KCNIP1: variants seen among roughly 807,000 people sequenced by gnomAD.
KCNIP1 encodes the protein potassium voltage-gated channel interacting protein 1.
A neutral mutation model predicts 33.0 loss-of-function variants in KCNIP1; 18 were observed. The observed-to-expected ratio is 0.55, with a 90% CI of 0.38 to 0.81. The LOEUF (loss-of-function observed/expected upper bound fraction) is 0.81, where lower values mean the gene tolerates loss of function less well. KCNIP1 is among the 30% of genes least tolerant of loss of function. The pLI is 0.00. For synonymous variants in KCNIP1, 93 were observed against 98.3 expected (o/e 0.95, Z 0.32); for missense variants, 238 against 271.6 (o/e 0.88, Z 0.87).
Position 170,504,237 on chromosome 5 carries a change from C to A in KCNIP1, c.-336C>A, listed in dbSNP as rs1411038793. Reference sequence around the variant, plus strand: ...CGCTGGCTCGGCAGCCTCGGCCGGGCGGCCGCTCTGGCCCCGTGTCCAGTG... The same window carrying A: ...CGCTGGCTCGGCAGCCTCGGCCGGGAGGCCGCTCTGGCCCCGTGTCCAGTG... On this transcript the variant is annotated 5_prime_UTR_variant, in exon 1 of 8. Transcript: ENST00000328939. This position sits in a 1 kb window ranked among gnomAD's most constrained non-coding sequence, Gnocchi z 6.0. 2.8e-6 allele frequency: 3 copies of A among 1,084,076 alleles called. No homozygotes were observed. The highest frequency in any genetic ancestry group is 5.3e-5 in the Admixed American group (1 of 18,922). 67.2% of individuals were successfully genotyped at this position (1,084,076 alleles called of 1,614,324 possible).
chr5:170,439,412 G>C (rs1318342392), intron 1 of KCNIP1, among the ~76,000 whole-genome samples: 1 of 152,238 alleles, frequency 6.6e-6, no homozygotes, highest in African/African-American at 2.4e-5. Flanking sequence ...CTTCCAGGCA[G>C]GTCCCCTCGA....
At chr5:170,441,416 G>A (rs1755986731) in intron 1 of KCNIP1, among the ~76,000 whole-genome samples, 1 of 152,160 alleles carries the variant, frequency 6.6e-6, no homozygotes, top group Admixed American at 6.5e-5. Context: ...TGCTGGGGAG[G>A]GGTGGGGGGC....
chr5:170,475,084 A>G (rs952084351), intron 1 of KCNIP1, among the ~76,000 whole-genome samples: 3 of 152,168 alleles, frequency 2.0e-5, no homozygotes, highest in Non-Finnish European at 2.9e-5. Context: ...AGCTAGCTAC[A>G]GAGTGCTGAT....
At chr5:170,460,437 T>G (rs1408882309) in intron 1 of KCNIP1, among the ~76,000 whole-genome samples, 1 of 152,082 alleles carries the variant, frequency 6.6e-6, no homozygotes, top group Non-Finnish European at 1.5e-5. Flanking sequence ...CAAAAAATCC[T>G]TAACAAAATG....
At chr5:170,593,908 C>T (rs1453724625) in intron 1 of KCNIP1, among the ~76,000 whole-genome samples, 4 of 152,312 alleles carry the variant, frequency 2.6e-5, no homozygotes, top group East Asian at 3.9e-4. Flanking sequence ...GTGGGAAGAA[C>T]GTAGGCTCTA....
In KCNIP1 at chr5:170,380,725, C is replaced by G. The variant is rs569486090; in HGVS notation, c.88+26761C>G. On this transcript the variant is annotated intron_variant, in intron 1 of 7. Transcript: ENST00000377360. Reference sequence around the variant, plus strand: ...CATCCTGAGCTGACGGTGAGGGGGCCTGGCCTGAGTCTCTCCAATGCCTCT... The same window carrying G: ...CATCCTGAGCTGACGGTGAGGGGGCGTGGCCTGAGTCTCTCCAATGCCTCT... Among the ~76,000 whole-genome samples the G allele has an allele frequency of 2.6e-5, 4 of 152,332 alleles. No homozygotes were observed. In the East Asian group the frequency reaches 7.7e-4, roughly 29 times the overall value.
intron 1 of KCNIP1, among the ~76,000 whole-genome samples, chr5:170,432,169 T>C (rs1755758652): frequency 6.6e-6 from 1 of 152,014 alleles, no homozygotes; most frequent in Non-Finnish European, 1.5e-5. Context: ...TCGGTAGAGC[T>C]AAAAACAGGG....
chr5:170,496,175 A>G (rs73313416), intron 1 of KCNIP1, among the ~76,000 whole-genome samples: 8,528 of 152,232 alleles, frequency 0.056, 555 homozygotes, highest in African/African-American at 0.16. Context: ...GCAGGCTGAT[A>G]ATCACAGCTG....
intron 1 of KCNIP1, among the ~76,000 whole-genome samples, chr5:170,372,363 C>A (rs1196668387): frequency 1.3e-5 from 2 of 152,102 alleles, no homozygotes; most frequent in Non-Finnish European, 2.9e-5. Flanking sequence ...GCCCCCCAAA[C>A]CCTATTATTT....
chr5:170,700,115 G>A (rs1014070456), intron 1 of KCNIP1, among the ~76,000 whole-genome samples: 1 of 151,946 alleles, frequency 6.6e-6, no homozygotes, highest in African/African-American at 2.4e-5. Flanking sequence ...CCTGCCTCCT[G>A]TCATCTCTAG....
At chr5:170,617,511 C>A (rs1027576032) in intron 1 of KCNIP1, among the ~76,000 whole-genome samples, 6 of 152,122 alleles carry the variant, frequency 3.9e-5, no homozygotes, top group African/African-American at 1.4e-4. Flanking sequence ...AGCCACCAGC[C>A]TTACAAATTA....
At chr5:170,601,097 TA>T (rs1758672957) in intron 1 of KCNIP1, among the ~76,000 whole-genome samples, 1 of 152,228 alleles carries the variant, frequency 6.6e-6, no homozygotes, top group South Asian at 2.1e-4. Context: ...TTCTAAAGAT[TA>T]CAAACACAAC....
Position 170,718,691 on chromosome 5 carries a change from C to A in KCNIP1, c.62-67C>A. On this transcript the variant is annotated intron_variant, in intron 1 of 7. Transcript: ENST00000328939. Reference sequence around the variant, plus strand: ...TCGTGACACCACTCTTTTGACAGCCCAGATTGTTACCTAACAAGAATGACT... The same window carrying A: ...TCGTGACACCACTCTTTTGACAGCCAAGATTGTTACCTAACAAGAATGACT... 3.1e-6 allele frequency: 5 copies of A among 1,596,042 alleles called. No individual in the cohort carries two copies. In the Admixed American group the frequency reaches 5.1e-5, roughly 16 times the overall value.
At chr5:170,537,472 G>A (rs1756036057) in intron 1 of KCNIP1, among the ~76,000 whole-genome samples, 1 of 152,222 alleles carries the variant, frequency 6.6e-6, no homozygotes, top group African/African-American at 2.4e-5. Flanking sequence ...ACAGGCAGGA[G>A]TAAATGCCTC....
intron 1 of KCNIP1, among the ~76,000 whole-genome samples, chr5:170,492,262 G>A (rs1757222711): frequency 6.6e-6 from 1 of 152,164 alleles, no homozygotes; most frequent in South Asian, 2.1e-4. Flanking sequence ...CAGAACTCAG[G>A]AACACACTTT....
chr5:170,659,092 C>A (rs543791687), intron 1 of KCNIP1, among the ~76,000 whole-genome samples: 1 of 152,272 alleles, frequency 6.6e-6, no homozygotes, highest in Admixed American at 6.5e-5. Context: ...TGCTCAAGGA[C>A]CAAGTGGTAC....
intron 1 of KCNIP1, among the ~76,000 whole-genome samples, chr5:170,611,291 GGGACTT>G (rs1759141623): frequency 6.6e-6 from 1 of 152,186 alleles, no homozygotes; most frequent in South Asian, 2.1e-4. Context: ...GGCTACAAGA[GGGACTT>G]GGCTTGCCCT....
intron 1 of KCNIP1, among the ~76,000 whole-genome samples, chr5:170,461,287 T>G (rs554692284): frequency 2.6e-5 from 4 of 152,280 alleles, no homozygotes; most frequent in African/African-American, 9.6e-5. Context: ...ACTATCATTC[T>G]TCACAGAATT....
chr5:170,594,533 CAG>C (rs773840396), intron 1 of KCNIP1, among the ~76,000 whole-genome samples: 2 of 152,068 alleles, frequency 1.3e-5, no homozygotes, highest in Non-Finnish European at 2.9e-5. Flanking sequence ...TTGTTTGAGA[CAG>C]AGTCTCGCTC....
Sources: gnomAD v4.1 joint callset for allele counts (sites outside exome capture counted in the v4.1 genomes callset) on GRCh38, gnomAD v4.1.1 for gene constraint, Gnocchi (gnomAD v3.1) non-coding constraint, MANE v1.5 for transcripts, NCBI Gene and HGNC (gene_info 2026-07-23, HGNC 2026-07-21) for gene names.